ADGRB3: variants seen among roughly 807,000 people sequenced by gnomAD.
ADGRB3 encodes the protein brain-specific angiogenesis inhibitor 3.
Under a neutral mutation model 193.4 loss-of-function variants are expected in ADGRB3, and 37 were observed. The ratio of observed to expected loss-of-function variants is 0.19; its 90% CI spans 0.15 to 0.25. The LOEUF is 0.25. Among genes scored for constraint, ADGRB3 ranks in the 10% least tolerant of loss-of-function variants. ADGRB3 has a pLI of 1.00. For missense variants in ADGRB3, 1,637 were observed against 1,852.9 expected, an observed-to-expected ratio of 0.88 and a Z score of 2.14; for synonymous variants, 690 against 644.2, an observed-to-expected ratio of 1.07 and a Z score of -1.08.
chr6:69,040,314 T>TTTCTTTC (rs1770996224), intron 13 of ADGRB3, among the ~76,000 whole-genome samples: 1 of 37,484 alleles, frequency 2.7e-5, no homozygotes, highest in African/African-American at 8.5e-5. Flanking sequence ...TGTCTCTTTC[T>TTTCTTTC]TTCTTTCTTT....
intron 3 of ADGRB3, among the ~76,000 whole-genome samples, chr6:68,886,973 A>T (rs1365099383): frequency 6.6e-6 from 1 of 151,836 alleles, no homozygotes. Flanking sequence ...GTGGTTTGCA[A>T]TATTTTATAT....
intron 18 of ADGRB3, 26 bp from the exon 19 acceptor site, chr6:69,235,006 T>G: frequency 6.5e-7 from 1 of 1,548,924 alleles, no homozygotes; most frequent in Non-Finnish European, 8.9e-7. Flanking sequence ...CCAATTTGTT[T>G]CTTTTTTGTT....
intron 3 of ADGRB3, among the ~76,000 whole-genome samples, chr6:68,679,583 G>T (rs1400791602): frequency 6.6e-6 from 1 of 152,026 alleles, no homozygotes; most frequent in Admixed American, 6.6e-5. Context: ...CACAAATTTT[G>T]GTGGGCAACG....
intron 3 of ADGRB3, among the ~76,000 whole-genome samples, chr6:68,890,442 T>C (rs1766040649): frequency 6.6e-6 from 1 of 152,216 alleles, no homozygotes; most frequent in African/African-American, 2.4e-5. Flanking sequence ...TATACCACAG[T>C]TTAGCAATCT....
chr6:69,049,418 A>G (rs1301767979), intron 15 of ADGRB3, 72 bp downstream of exon 15: 2 of 1,130,076 alleles, frequency 1.8e-6, no homozygotes, highest in Non-Finnish European at 2.6e-6. Flanking sequence ...TCATTCTATA[A>G]AAATAGTCAA....
intron 3 of ADGRB3, among the ~76,000 whole-genome samples, chr6:68,845,568 A>G (rs1004319540): frequency 7.9e-5 from 12 of 152,194 alleles, no homozygotes; most frequent in African/African-American, 2.9e-4. Flanking sequence ...TAATTGAATC[A>G]TGGGAGTAGG....
intron 17 of ADGRB3, among the ~76,000 whole-genome samples, chr6:69,206,371 T>C (rs746086783): frequency 6.6e-6 from 1 of 151,980 alleles, no homozygotes; most frequent in Non-Finnish European, 1.5e-5. Flanking sequence ...CAAATGTTAA[T>C]CTCCTTTGGC....
chr6:68,927,244 C>G (rs929567759), intron 3 of ADGRB3, among the ~76,000 whole-genome samples: 1 of 152,076 alleles, frequency 6.6e-6, no homozygotes, highest in Admixed American at 6.6e-5. Flanking sequence ...AGCAGATCAT[C>G]TTTTTATTTG....
chr6:68,695,620 C>T (rs1765144586), intron 3 of ADGRB3, among the ~76,000 whole-genome samples: 1 of 151,840 alleles, frequency 6.6e-6, no homozygotes. Context: ...TTCTTTTGGT[C>T]TCCTAAAGAC....
chr6:69,033,765 A>C (rs914848001), intron 13 of ADGRB3, among the ~76,000 whole-genome samples: 2 of 152,072 alleles, frequency 1.3e-5, no homozygotes, highest in African/African-American at 4.8e-5. Context: ...CTACAGGCTT[A>C]AGGAAAAGTT....
At chr6:68,932,931 A>G (rs1235004279) in intron 4 of ADGRB3, among the ~76,000 whole-genome samples, 1 of 109,888 alleles carries the variant, frequency 9.1e-6, no homozygotes, top group Non-Finnish European at 2.3e-5. Flanking sequence ...ATGATCAGTA[A>G]AAGATTGTAA....
At chr6:69,049,176 A>G (rs1413740190) in intron 14 of ADGRB3, 95 bp from the exon 15 acceptor site, 5 of 856,138 alleles carry the variant, frequency 5.8e-6, no homozygotes, top group East Asian at 5.5e-5. Context: ...TGCCTAAGGA[A>G]GTACTGGAAT....
At chr6:68,682,334 A>G (rs761341437) in intron 3 of ADGRB3, among the ~76,000 whole-genome samples, 1 of 152,242 alleles carries the variant, frequency 6.6e-6, no homozygotes, top group South Asian at 2.1e-4. Context: ...ATTTGAAGAT[A>G]AAAGCTGTTG....
intron 26 of ADGRB3, 86 bp from the exon 27 acceptor site, chr6:69,354,147 C>T (rs1769286200): frequency 1.1e-6 from 1 of 894,662 alleles, no homozygotes; most frequent in Admixed American, 1.9e-5. Flanking sequence ...CAGTGATAAC[C>T]ACTGCCTCAG....
chr6:68,827,666 T>TG (rs1160034381), intron 3 of ADGRB3, among the ~76,000 whole-genome samples: 1 of 151,158 alleles, frequency 6.6e-6, no homozygotes, highest in African/African-American at 2.4e-5. Flanking sequence ...GGGTTTTTTT[T>TG]GGGGGGGAGG....
chr6:69,287,391 A>G (rs930616261), intron 20 of ADGRB3, among the ~76,000 whole-genome samples: 10 of 152,240 alleles, frequency 6.6e-5, no homozygotes, highest in African/African-American at 2.4e-4. Context: ...TATTTAAAAA[A>G]TAACTTACAC....
intron 20 of ADGRB3, among the ~76,000 whole-genome samples, chr6:69,253,842 T>A (rs1766683967): frequency 6.6e-6 from 1 of 152,132 alleles, no homozygotes. Context: ...TTTCTTCACC[T>A]TGTTCATTAT....
At chr6:69,196,178 G>A (rs1765291826) in intron 17 of ADGRB3, among the ~76,000 whole-genome samples, 1 of 151,992 alleles carries the variant, frequency 6.6e-6, no homozygotes, top group East Asian at 1.9e-4. Context: ...ACTTTACTGA[G>A]GAATACATGG....
intron 16 of ADGRB3, among the ~76,000 whole-genome samples, chr6:69,065,112 G>C (rs931564636): frequency 2.0e-5 from 3 of 152,150 alleles, no homozygotes; most frequent in Admixed American, 2.0e-4. Flanking sequence ...AATTAATTGT[G>C]TCTTTCAGTA....
Sources: allele counts gnomAD v4.1 joint callset (sites outside exome capture counted in the v4.1 genomes callset), GRCh38; gene constraint gnomAD v4.1.1; transcripts MANE v1.5; gene names NCBI Gene and HGNC (gene_info 2026-07-23, HGNC 2026-07-21).